The following SORBS2 variants were observed in gnomAD, a reference collection of about 807,000 sequenced individuals.
SORBS2 encodes the protein sorbin and SH3 domain-containing protein 2.
Under a neutral mutation model 97.7 loss-of-function variants are expected in SORBS2, and 46 were observed. That is an observed-to-expected ratio of 0.47 (90% CI 0.37 to 0.60). The LOEUF is 0.60. SORBS2 is among the 20% of genes least tolerant of loss of function. The pLI is 0.00. For synonymous variants in SORBS2, 476 were observed against 473.4 expected (o/e 1.01, Z -0.07); for missense variants, 1,316 against 1,282.3 (o/e 1.03, Z -0.40).
At chr4:185,782,680 TAA>T (rs1205644886) in intron 1 of SORBS2, among the ~76,000 whole-genome samples, 1 of 152,242 alleles carries the variant, frequency 6.6e-6, no homozygotes, top group Non-Finnish European at 1.5e-5. Flanking sequence ...ATATTATGCA[TAA>T]GTTATAAACA....
intron 1 of SORBS2, among the ~76,000 whole-genome samples, chr4:185,892,607 T>C (rs947342720): frequency 6.6e-6 from 1 of 152,224 alleles, no homozygotes; most frequent in Non-Finnish European, 1.5e-5. Flanking sequence ...AAGGAAATCC[T>C]GGCACATGTC....
upstream of SORBS2, among the ~76,000 whole-genome samples, chr4:185,661,027 C>A (rs1006259207): frequency 6.6e-6 from 1 of 152,110 alleles, no homozygotes; most frequent in African/African-American, 2.4e-5. Flanking sequence ...GTAATCCCAG[C>A]ACTTAGGGAG....
intron 1 of SORBS2, among the ~76,000 whole-genome samples, chr4:185,799,080 A>G (rs567369509): frequency 1.3e-5 from 2 of 152,352 alleles, no homozygotes; most frequent in South Asian, 4.1e-4. Context: ...ACCTTCCCGA[A>G]GTATCCATCT....
At chr4:185,730,506 G>T (rs1431132313) in intron 2 of SORBS2, among the ~76,000 whole-genome samples, 1 of 152,132 alleles carries the variant, frequency 6.6e-6, no homozygotes, top group African/African-American at 2.4e-5. Flanking sequence ...CCATCTGGCC[G>T]CACCACTGTC....
chr4:185,642,777 G>C (rs1377841150), intron 4 of SORBS2, among the ~76,000 whole-genome samples: 1 of 152,208 alleles, frequency 6.6e-6, no homozygotes, highest in Non-Finnish European at 1.5e-5. Flanking sequence ...TGTTCAAACA[G>C]TACTACCCCC....
In SORBS2 at chr4:185,665,161, C is replaced by T. The variant is rs138277662; in HGVS notation, c.-45-2919G>A. On this transcript the variant is annotated intron_variant, in intron 4 of 20. Coordinates refer to the SORBS2 transcript ENST00000284776. Reference sequence around the variant, plus strand: ...CTCAGGAAGAATAATTTTTAAAAATCGTACAGCTAAATTTCTGAAAGGTAG... The same window carrying T: ...CTCAGGAAGAATAATTTTTAAAAATTGTACAGCTAAATTTCTGAAAGGTAG... 6.4e-3 allele frequency among the ~76,000 whole-genome samples: 975 copies of T among 152,170 alleles called. 13 individuals carry two copies. The highest frequency in any genetic ancestry group is 0.023 in the African/African-American group (942 of 41,502).
chr4:185,889,805 T>C (rs936527309), intron 1 of SORBS2, among the ~76,000 whole-genome samples: 40 of 152,148 alleles, frequency 2.6e-4, no homozygotes, highest in Admixed American at 9.2e-4. Flanking sequence ...ACCTGAGCTA[T>C]TGCAGTTTCC....
intron 2 of SORBS2, among the ~76,000 whole-genome samples, chr4:185,712,340 A>T (rs1040347109): frequency 6.6e-5 from 10 of 152,160 alleles, no homozygotes; most frequent in African/African-American, 2.4e-4. Flanking sequence ...CAAGGGGAAG[A>T]CTACCTACCT....
At chr4:185,768,265 A>G (rs1206610446) in intron 2 of SORBS2, among the ~76,000 whole-genome samples, 1 of 152,230 alleles carries the variant, frequency 6.6e-6, no homozygotes, top group African/African-American at 2.4e-5. Context: ...TGAAGGGCCT[A>G]GACTGATCAC....
At chr4:185,853,913 T>C (rs977409875) in intron 1 of SORBS2, among the ~76,000 whole-genome samples, 1 of 152,174 alleles carries the variant, frequency 6.6e-6, no homozygotes, top group Non-Finnish European at 1.5e-5. Flanking sequence ...ACCAAATGGA[T>C]GAAGGAAATA....
chr4:185,833,992 T>C (rs1385741030), intron 1 of SORBS2, among the ~76,000 whole-genome samples: 2 of 152,214 alleles, frequency 1.3e-5, no homozygotes, highest in Non-Finnish European at 2.9e-5. Context: ...ATGGGCAGTA[T>C]GAACATAAAT....
At chr4:185,923,917 C>A (rs901169323) in intron 1 of SORBS2, among the ~76,000 whole-genome samples, 1 of 152,098 alleles carries the variant, frequency 6.6e-6, no homozygotes, top group Admixed American at 6.5e-5. Flanking sequence ...ATTTTCAAGA[C>A]AAGAATTGTT....
At chr4:185,826,559 C>A (rs190836764) in intron 1 of SORBS2, among the ~76,000 whole-genome samples, 1 of 152,352 alleles carries the variant, frequency 6.6e-6, no homozygotes, top group African/African-American at 2.4e-5. Context: ...GCAAGACACA[C>A]TTCACAATGT....
At chr4:185,760,851 C>A (rs1182032460) in intron 2 of SORBS2, among the ~76,000 whole-genome samples, 1 of 152,180 alleles carries the variant, frequency 6.6e-6, no homozygotes, top group African/African-American at 2.4e-5. Context: ...TGACTGAGGA[C>A]AAGGAGCAGA....
chr4:185,889,781 A>G (rs2099241546), intron 1 of SORBS2, among the ~76,000 whole-genome samples: 1 of 152,072 alleles, frequency 6.6e-6, no homozygotes, highest in Non-Finnish European at 1.5e-5. Context: ...TGAGGCTCTC[A>G]TCACTCACTT....
At chr4:185,596,792 T>C (rs192749174) in intron 12 of SORBS2, among the ~76,000 whole-genome samples, 204 of 152,010 alleles carry the variant, frequency 1.3e-3, no homozygotes, top group African/African-American at 3.8e-3. Context: ...CTTGGCCTCC[T>C]AAAGTGCTGG....
At chr4:185,869,112 G>C (rs2099228954) in intron 1 of SORBS2, among the ~76,000 whole-genome samples, 1 of 152,136 alleles carries the variant, frequency 6.6e-6, no homozygotes, top group Non-Finnish European at 1.5e-5. Context: ...CAACAAACCA[G>C]GCACTGGAAT....
At chr4:185,768,952 T>C (rs1026826788) in intron 2 of SORBS2, among the ~76,000 whole-genome samples, 1 of 152,178 alleles carries the variant, frequency 6.6e-6, no homozygotes, top group Non-Finnish European at 1.5e-5. Flanking sequence ...AAATTAAAAA[T>C]GGATGCCCTG....
intron 1 of SORBS2, among the ~76,000 whole-genome samples, chr4:185,824,909 G>T (rs1185142149): frequency 6.6e-6 from 1 of 152,160 alleles, no homozygotes; most frequent in African/African-American, 2.4e-5. Context: ...CACACGGGTG[G>T]CAGGCGGGCT....
Sources: allele counts gnomAD v4.1 joint callset (sites outside exome capture counted in the v4.1 genomes callset), GRCh38; gene constraint gnomAD v4.1.1; transcripts MANE v1.5; gene names NCBI Gene and HGNC (gene_info 2026-07-23, HGNC 2026-07-21).